The following DRC11 variants were observed in gnomAD, a reference collection of about 807,000 sequenced individuals.
DRC11 encodes dynein regulatory complex subunit 11.
At chr2:236,406,402 A>T in the DRC11 span, among the ~76,000 whole-genome samples, 1 of 152,300 alleles carries the variant, frequency 6.6e-6, no homozygotes, top group African/African-American at 2.4e-5. This position sits in a 1 kb window ranked among gnomAD's most constrained non-coding sequence, Gnocchi z 4.7. Flanking sequence ...CTAACATCTC[A>T]CACTGGTAGG....
chr2:236,457,294 A>G, the DRC11 span, among the ~76,000 whole-genome samples: 1 of 152,336 alleles, frequency 6.6e-6, no homozygotes, highest in Non-Finnish European at 1.5e-5. This position sits in a 1 kb window ranked among gnomAD's most constrained non-coding sequence, Gnocchi z 4.7. Context: ...CAGTCACCCC[A>G]GCCACCTTTC....
chr2:236,322,194 T>G, the DRC11 span, among the ~76,000 whole-genome samples: 1 of 152,022 alleles, frequency 6.6e-6, no homozygotes, highest in African/African-American at 2.4e-5. Context: ...TCAATCTGTC[T>G]TTGACTCTTG....
the DRC11 span, among the ~76,000 whole-genome samples, chr2:236,311,606 G>C: frequency 8.5e-5 from 13 of 152,074 alleles, no homozygotes; most frequent in African/African-American, 3.1e-4. The surrounding 1 kb of genome is among the most constrained non-coding windows in gnomAD (Gnocchi z 6.9). Flanking sequence ...GCAGTTATCG[G>C]GATACTAGGT....
the DRC11 span, among the ~76,000 whole-genome samples, chr2:236,446,398 C>A: frequency 2.6e-5 from 4 of 152,204 alleles, no homozygotes; most frequent in African/African-American, 7.2e-5. The surrounding 1 kb of genome is among the most constrained non-coding windows in gnomAD (Gnocchi z 6.2). Context: ...CTGCAGGTGA[C>A]AGCCCATCTG....
the DRC11 span, among the ~76,000 whole-genome samples, chr2:236,423,038 A>G: frequency 1.6e-4 from 24 of 151,218 alleles, no homozygotes; most frequent in African/African-American, 5.6e-4. Context: ...TACACCTTAT[A>G]CAAAAATCAA....
chr2:236,433,232 T>C, the DRC11 span, among the ~76,000 whole-genome samples: 1 of 152,174 alleles, frequency 6.6e-6, no homozygotes, highest in African/African-American at 2.4e-5. Context: ...TCTTGGTTAT[T>C]TGCTTTCTAC....
the DRC11 span, among the ~76,000 whole-genome samples, chr2:236,425,962 T>C: frequency 6.6e-6 from 1 of 152,038 alleles, no homozygotes; most frequent in East Asian, 1.9e-4. Context: ...GATTTATTTC[T>C]GGGCTCTCTC....
the DRC11 span, chr2:236,507,438 A>C: frequency 1.5e-6 from 1 of 678,246 alleles, no homozygotes; most frequent in Non-Finnish European, 2.6e-6. Context: ...CGGGCAGGAA[A>C]AGGTGAGGCC....
the DRC11 span, among the ~76,000 whole-genome samples, chr2:236,379,267 CAG>C: frequency 6.7e-6 from 1 of 150,370 alleles, no homozygotes; most frequent in Non-Finnish European, 1.5e-5. Flanking sequence ...AACCCCCAAA[CAG>C]AAGAGTGACA....
chr2:236,390,252 G>C, the DRC11 span, among the ~76,000 whole-genome samples: 283 of 152,168 alleles, frequency 1.9e-3, 5 homozygotes, highest in Non-Finnish European at 2.4e-3. The surrounding 1 kb of genome is among the most constrained non-coding windows in gnomAD (Gnocchi z 5.9). Context: ...GATAGTTTTT[G>C]ATTTGACGTC....
the DRC11 span, among the ~76,000 whole-genome samples, chr2:236,357,390 T>TTATAAATA: frequency 0.18 from 20,703 of 113,730 alleles, 2,035 homozygotes; most frequent in Non-Finnish European, 0.22. Flanking sequence ...AGTATAGATA[T>TTATAAATA]TATATAGTAT....
At chr2:236,382,127 G>C in the DRC11 span, among the ~76,000 whole-genome samples, 5 of 152,150 alleles carry the variant, frequency 3.3e-5, no homozygotes, top group Non-Finnish European at 7.4e-5. Context: ...TATATAATGT[G>C]TGAGACTTAG....
the DRC11 span, among the ~76,000 whole-genome samples, chr2:236,382,429 G>C: frequency 1.3e-5 from 2 of 152,068 alleles, no homozygotes; most frequent in African/African-American, 4.8e-5. Flanking sequence ...AGTTATTCTA[G>C]TTCCATTACC....
chr2:236,396,302 C>CGGGGGG, the DRC11 span, among the ~76,000 whole-genome samples: 1 of 60,256 alleles, frequency 1.7e-5, no homozygotes, highest in East Asian at 5.4e-4. Context: ...GAAAGAGGGG[C>CGGGGGG]GGGGGGGGGT....
chr2:236,395,551 G>A, the DRC11 span, among the ~76,000 whole-genome samples: 3 of 152,184 alleles, frequency 2.0e-5, no homozygotes, highest in African/African-American at 7.2e-5. Flanking sequence ...TCCTGCATTT[G>A]AAGTGAATTG....
the DRC11 span, among the ~76,000 whole-genome samples, chr2:236,438,177 C>T: frequency 2.1e-5 from 3 of 141,036 alleles, no homozygotes; most frequent in Admixed American, 1.4e-4. Flanking sequence ...CCAGTTTTCC[C>T]AGCACCATTT....
At chr2:236,438,311 T>A in the DRC11 span, among the ~76,000 whole-genome samples, 4 of 141,830 alleles carry the variant, frequency 2.8e-5, no homozygotes, top group African/African-American at 1.1e-4. Context: ...TATCTCTGTT[T>A]TGGTACCAGT....
the DRC11 span, among the ~76,000 whole-genome samples, chr2:236,491,246 GTATATA>G: frequency 1.0e-3 from 24 of 23,752 alleles, 1 homozygote; most frequent in Non-Finnish European, 1.3e-3. Context: ...TATATACACA[GTATATA>G]TATATATATA....
At chr2:236,501,178 C>T in the DRC11 span, among the ~76,000 whole-genome samples, 1 of 152,006 alleles carries the variant, frequency 6.6e-6, no homozygotes, top group East Asian at 1.9e-4. Flanking sequence ...TGGGGAGGTG[C>T]CACACTCTTT....
Sources: gnomAD v4.1 joint callset for allele counts (sites outside exome capture counted in the v4.1 genomes callset) on GRCh38, gnomAD v4.1.1 for gene constraint, Gnocchi (gnomAD v3.1) non-coding constraint, MANE v1.5 for transcripts, NCBI Gene and HGNC (gene_info 2026-07-23, HGNC 2026-07-21) for gene names.